The following NELL1 variants were observed in gnomAD, a reference collection of about 807,000 sequenced individuals.
NELL1 encodes the protein protein kinase C-binding protein NELL1.
In NELL1, 76 loss-of-function variants were observed where a neutral mutation model predicts 107.4. The observed-to-expected ratio is 0.71, with a 90% CI of 0.59 to 0.86. The LOEUF is 0.86. NELL1 is among the 40% of genes least tolerant of loss of function. NELL1 has a pLI of 0.00. For missense variants in NELL1, 1,024 were observed against 1,005.5 expected, an observed-to-expected ratio of 1.02 and a Z score of -0.25; for synonymous variants, 353 against 341.2, an observed-to-expected ratio of 1.03 and a Z score of -0.38.
chr11:20,832,521 T>G (rs1223652808), intron 3 of NELL1, among the ~76,000 whole-genome samples: 3 of 152,158 alleles, frequency 2.0e-5, no homozygotes, highest in Admixed American at 6.6e-5. Context: ...TGTAGAGACT[T>G]AATATTTTTG....
intron 17 of NELL1, among the ~76,000 whole-genome samples, chr11:21,565,995 G>A (rs185842818): frequency 1.3e-5 from 2 of 152,040 alleles, no homozygotes; most frequent in East Asian, 1.9e-4. Flanking sequence ...TCAGGCATCA[G>A]CAAGGTTTTT....
At chr11:20,869,958 C>T (rs887941506) in intron 4 of NELL1, among the ~76,000 whole-genome samples, 3 of 152,182 alleles carry the variant, frequency 2.0e-5, no homozygotes, top group African/African-American at 4.8e-5. Context: ...ACCAGATTAT[C>T]TCATGGAATG....
chr11:21,205,509 G>A lies in NELL1; in HGVS notation c.1427-23823G>A, dbSNP rs193030507. Reference sequence around the variant, plus strand: ...CATCCCAGGTGGACTTCAGACCGCCGTGCTGGCAGCGAGAATTTCAACCCA... The same window carrying A: ...CATCCCAGGTGGACTTCAGACCGCCATGCTGGCAGCGAGAATTTCAACCCA... On this transcript the variant is annotated intron_variant, in intron 13 of 19. Transcript: ENST00000357134. Among the ~76,000 whole-genome samples the A allele has an allele frequency of 2.2e-4, 33 of 152,288 alleles. No homozygotes were observed. In the East Asian group the frequency reaches 5.6e-3, roughly 26 times the overall value.
chr11:21,361,815 T>A (rs4923566), intron 14 of NELL1, among the ~76,000 whole-genome samples: 1 of 152,040 alleles, frequency 6.6e-6, no homozygotes, highest in African/African-American at 2.4e-5. Flanking sequence ...CTCTAAGTAT[T>A]CCTTTCATTT....
At chr11:20,700,764 T>C (rs1361670311) in intron 2 of NELL1, among the ~76,000 whole-genome samples, 1 of 151,936 alleles carries the variant, frequency 6.6e-6, no homozygotes, top group Non-Finnish European at 1.5e-5. Context: ...CGGTGTTTGG[T>C]TTTCTGTCCT....
intron 4 of NELL1, among the ~76,000 whole-genome samples, chr11:20,852,728 A>G (rs1564934418): frequency 6.6e-6 from 1 of 152,232 alleles, no homozygotes; most frequent in African/African-American, 2.4e-5. Context: ...TGCTTCATAA[A>G]CAGAAATACA....
rs533000227 is a variant in NELL1 at position 21,384,716 on chromosome 11, G to T, written c.1645+13768G>T. Among the ~76,000 whole-genome samples the T allele has an allele frequency of 1.7e-3, 253 of 151,850 alleles. 1 individual carries two copies. The highest frequency in any genetic ancestry group is 5.8e-3 in the African/African-American group (241 of 41,428). On this transcript the variant is annotated intron_variant, in intron 15 of 19. Transcript: ENST00000357134. ...GCGGTGTTTGGTTTTTTGTTCTTGC[G>T]ATAGTTTACTGAGAATGATGATTTC... is the stretch of plus-strand genomic sequence containing the variant.
chr11:20,829,581 T>C (rs1456405690), intron 3 of NELL1, among the ~76,000 whole-genome samples: 2 of 152,094 alleles, frequency 1.3e-5, no homozygotes, highest in South Asian at 2.1e-4. Flanking sequence ...CCAGGTTTTT[T>C]TTTAATGAAT....
chr11:21,407,188 G>A (rs939556355), intron 15 of NELL1, among the ~76,000 whole-genome samples: 3 of 151,946 alleles, frequency 2.0e-5, no homozygotes, highest in African/African-American at 7.2e-5. Context: ...GGCCAAAGTG[G>A]GCAGATCACT....
chr11:21,096,243 T>C (rs1163308862), intron 12 of NELL1, among the ~76,000 whole-genome samples: 1 of 152,148 alleles, frequency 6.6e-6, no homozygotes, highest in African/African-American at 2.4e-5. Context: ...GCCTGTTCTT[T>C]TCCCACCCAC....
chr11:20,883,874 T>A (rs1409972750), intron 4 of NELL1, among the ~76,000 whole-genome samples: 2 of 152,198 alleles, frequency 1.3e-5, no homozygotes, highest in Non-Finnish European at 2.9e-5. Context: ...GGAGAAAAAA[T>A]TTTAAAGGAA....
At chr11:20,847,310 C>A (rs573689377) in intron 3 of NELL1, among the ~76,000 whole-genome samples, 11 of 152,254 alleles carry the variant, frequency 7.2e-5, no homozygotes, top group African/African-American at 2.4e-4. Context: ...ATTTAAGAAA[C>A]ACTGCACTGA....
intron 15 of NELL1, among the ~76,000 whole-genome samples, chr11:21,498,997 G>C (rs1855064737): frequency 6.6e-6 from 1 of 151,822 alleles, no homozygotes. Context: ...TTTTCCTGTA[G>C]AATTACAGAG....
intron 14 of NELL1, among the ~76,000 whole-genome samples, chr11:21,310,430 A>G (rs1278384651): frequency 2.6e-5 from 4 of 152,098 alleles, no homozygotes; most frequent in African/African-American, 9.7e-5. Context: ...TGGCAATGTA[A>G]AGCAAAAACA....
At chr11:20,771,550 T>G (rs1298660886) in intron 2 of NELL1, among the ~76,000 whole-genome samples, 1 of 152,218 alleles carries the variant, frequency 6.6e-6, no homozygotes, top group Non-Finnish European at 1.5e-5. Context: ...TCTAGTCTGA[T>G]GACGGGGAAG....
At chr11:21,553,674 A>C (rs899101108) in intron 16 of NELL1, among the ~76,000 whole-genome samples, 12 of 151,810 alleles carry the variant, frequency 7.9e-5, no homozygotes, top group African/African-American at 2.9e-4. Flanking sequence ...ATCTAAACTT[A>C]ACAAATGTTT....
intron 4 of NELL1, among the ~76,000 whole-genome samples, chr11:20,883,070 G>A (rs969067679): frequency 6.6e-6 from 1 of 152,110 alleles, no homozygotes; most frequent in African/African-American, 2.4e-5. Context: ...CCAGTTTGTT[G>A]ATTCCACCTG....
At chr11:21,111,398 T>C (rs1488842060) in intron 12 of NELL1, among the ~76,000 whole-genome samples, 6 of 152,146 alleles carry the variant, frequency 3.9e-5, no homozygotes, top group Non-Finnish European at 7.4e-5. Context: ...CTCTACCTGA[T>C]GAATTCTTGC....
intron 12 of NELL1, among the ~76,000 whole-genome samples, chr11:21,102,243 A>C (rs886849654): frequency 6.6e-6 from 1 of 152,120 alleles, no homozygotes; most frequent in Admixed American, 6.5e-5. Context: ...TGTCCCATGA[A>C]ATTTTATTAC....
Sources: gnomAD v4.1 joint callset for allele counts (sites outside exome capture counted in the v4.1 genomes callset) on GRCh38, gnomAD v4.1.1 for gene constraint, MANE v1.5 for transcripts, NCBI Gene and HGNC (gene_info 2026-07-23, HGNC 2026-07-21) for gene names.